BAZ2B: variants seen among roughly 807,000 people sequenced by gnomAD.
BAZ2B encodes the protein bromodomain adjacent to zinc finger domain 2B.
In BAZ2B, 91 loss-of-function variants were observed where a neutral mutation model predicts 246.0. The observed-to-expected ratio is 0.37, with a 90% confidence interval of 0.31 to 0.44. The LOEUF (loss-of-function observed/expected upper bound fraction) is 0.44. BAZ2B is among the 20% of genes least tolerant of loss of function. BAZ2B has a pLI of 1.00. For missense variants in BAZ2B, 2,332 were observed against 2,533.7 expected, an observed-to-expected ratio of 0.92 and a Z score of 1.71; for synonymous variants, 855 against 860.0, an observed-to-expected ratio of 0.99 and a Z score of 0.10.
Position 159,404,847 on chromosome 2 carries a change from A to G in BAZ2B, c.2832+2T>C. ...AAAGTCACTTCCAATGTATACACAT[A>G]CCTGCTGTTTCATAATCTTTATCTG... On this transcript the variant is annotated splice_donor_variant, in intron 16 of 36. Transcript: ENST00000392783. LOFTEE classifies it high-confidence loss of function. 1 of 1,611,610 alleles carries G rather than the reference A, an allele frequency of 6.2e-7. No homozygotes were observed.
Position 159,584,313 on chromosome 2 carries a change from G to A in BAZ2B, c.-45-28448C>T, listed in dbSNP as rs147114312. On this transcript the variant is annotated intron_variant, in intron 1 of 36. Transcript: ENST00000392783. ...ATTTTTGTATTTTTAGCAGAGACGC[G>A]GTTTCACCATGTTGGCCAAGATGGT... Among the ~76,000 whole-genome samples the A allele has an allele frequency of 8.6e-3, 1,302 of 152,218 alleles. 13 individuals are homozygous for A. Among genetic ancestry groups the A allele is most frequent in the Middle Eastern group, 0.017 (5 of 294 alleles).
intron 13 of BAZ2B, among the ~76,000 whole-genome samples, chr2:159,425,301 C>A (rs774478555): frequency 5.9e-5 from 9 of 152,140 alleles, no homozygotes; most frequent in Non-Finnish European, 7.3e-5. Context: ...CCTGCCTCAG[C>A]CTCCTGAGTA....
At chr2:159,348,601 T>C in intron 30 of BAZ2B, 77 bp downstream of exon 30, 1 of 1,478,014 alleles carries the variant, frequency 6.8e-7, no homozygotes, top group Non-Finnish European at 9.0e-7. Context: ...CAATAGACTG[T>C]ACTAAAATAT....
intron 8 of BAZ2B, chr2:159,435,619 G>T (rs1442061472): frequency 1.3e-5 from 2 of 152,060 alleles, no homozygotes; most frequent in Admixed American, 6.6e-5. Flanking sequence ...CTCCCAAAGT[G>T]CTGGGATTAC....
chr2:159,455,867 T>C (rs778481640), intron 3 of BAZ2B, among the ~76,000 whole-genome samples: 1 of 151,460 alleles, frequency 6.6e-6, no homozygotes, highest in African/African-American at 2.4e-5. Flanking sequence ...CTTTCATTTG[T>C]TATTACATAT....
intron 1 of BAZ2B, chr2:159,616,006 G>C (rs1429324978): frequency 6.6e-6 from 1 of 151,784 alleles, no homozygotes; most frequent in African/African-American, 2.4e-5. Flanking sequence ...AACTCCACTC[G>C]GGACCCCGAG....
chr2:159,645,278 AGTTTT>A, the BAZ2B span, among the ~76,000 whole-genome samples: 1 of 151,174 alleles, frequency 6.6e-6, no homozygotes, highest in Non-Finnish European at 1.5e-5. Flanking sequence ...CTCTAAAAAA[AGTTTT>A]TTTTTTTTTA....
At chr2:159,626,040 G>A in the BAZ2B span, among the ~76,000 whole-genome samples, 1 of 150,302 alleles carries the variant, frequency 6.7e-6, no homozygotes, top group Non-Finnish European at 1.5e-5. Flanking sequence ...TAGTCTCTGA[G>A]GAAACAGACT....
At chr2:159,634,602 C>T in the BAZ2B span, among the ~76,000 whole-genome samples, 3,238 of 152,192 alleles carry the variant, frequency 0.021, 34 homozygotes, top group Non-Finnish European at 0.034. Context: ...AATATTATTT[C>T]GCTGCTGGTT....
intron 17 of BAZ2B, among the ~76,000 whole-genome samples, chr2:159,399,938 A>G (rs967763755): frequency 6.6e-6 from 1 of 152,226 alleles, no homozygotes; most frequent in African/African-American, 2.4e-5. Flanking sequence ...TTTCAACATC[A>G]GTTATACTGC....
At chr2:159,430,725 G>A in intron 10 of BAZ2B, 138 bp downstream of exon 10, 3 of 1,363,322 alleles carry the variant, frequency 2.2e-6, no homozygotes, top group South Asian at 1.6e-5. Context: ...GAAAATACAG[G>A]CTCACCTTCC....
At chr2:159,642,302 A>C in the BAZ2B span, among the ~76,000 whole-genome samples, 1 of 145,210 alleles carries the variant, frequency 6.9e-6, no homozygotes, top group Non-Finnish European at 1.5e-5. Context: ...CAATAGCACC[A>C]TCTTGGCTCA....
the BAZ2B span, among the ~76,000 whole-genome samples, chr2:159,674,187 T>C: frequency 2.0e-5 from 3 of 151,448 alleles, no homozygotes; most frequent in African/African-American, 4.9e-5. Flanking sequence ...CTACAAAAAC[T>C]ACCTGAGTGT....
At chr2:159,322,690 G>A (rs1347905531) in intron 36 of BAZ2B, among the ~76,000 whole-genome samples, 1 of 152,086 alleles carries the variant, frequency 6.6e-6, no homozygotes, top group African/African-American at 2.4e-5. Flanking sequence ...TTCCTTTATG[G>A]GATGGGGCAG....
At chr2:159,559,789 A>G (rs559089835) in intron 1 of BAZ2B, among the ~76,000 whole-genome samples, 1 of 152,342 alleles carries the variant, frequency 6.6e-6, no homozygotes, top group South Asian at 2.1e-4. Context: ...AATTCTTTCA[A>G]ATCATTTCAA....
chr2:159,651,332 T>G, the BAZ2B span, among the ~76,000 whole-genome samples: 66 of 152,206 alleles, frequency 4.3e-4, no homozygotes, highest in Non-Finnish European at 7.9e-4. Flanking sequence ...TTTCTCTCTT[T>G]TTCAAGGACC....
At chr2:159,562,865 G>A (rs537435555) in intron 1 of BAZ2B, among the ~76,000 whole-genome samples, 69 of 151,992 alleles carry the variant, frequency 4.5e-4, no homozygotes, top group South Asian at 1.7e-3. Flanking sequence ...TTTGACCCTC[G>A]CAAGATTGCT....
chr2:159,451,283 T>A (rs2075059220), intron 4 of BAZ2B, among the ~76,000 whole-genome samples: 2 of 152,212 alleles, frequency 1.3e-5, no homozygotes, highest in Admixed American at 1.3e-4. Context: ...TAAATAAATT[T>A]ACATTTATTG....
intron 28 of BAZ2B, 58 bp downstream of exon 28, chr2:159,349,650 A>T (rs1559056666): frequency 6.7e-7 from 1 of 1,483,338 alleles, no homozygotes; most frequent in East Asian, 2.3e-5. Context: ...AAAAATCTCC[A>T]TGGGGTCAAA....
Sources: allele counts gnomAD v4.1 joint callset (sites outside exome capture counted in the v4.1 genomes callset), GRCh38; gene constraint gnomAD v4.1.1; transcripts MANE v1.5; gene names NCBI Gene and HGNC (gene_info 2026-07-23, HGNC 2026-07-21).